HSPA12B: variants seen among roughly 807,000 people sequenced by gnomAD.
HSPA12B encodes heat shock 70 kDa protein 12B.
Under a neutral mutation model 69.3 loss-of-function variants are expected in HSPA12B, and 54 were observed. That is an observed-to-expected ratio of 0.78 (90% confidence interval 0.63 to 0.98). HSPA12B has a LOEUF of 0.98. Among genes scored for constraint, HSPA12B ranks in the 50% least tolerant of loss-of-function variants. The pLI is 0.00. For missense variants in HSPA12B, 929 were observed against 999.8 expected, an observed-to-expected ratio of 0.93 and a Z score of 0.96; for synonymous variants, 441 against 436.5, an observed-to-expected ratio of 1.01 and a Z score of -0.13.
intron 7 of HSPA12B, among the ~76,000 whole-genome samples, chr20:3,746,356 G>A (rs113678470): frequency 3.5e-5 from 5 of 143,322 alleles, no homozygotes; most frequent in Non-Finnish European, 6.0e-5. Flanking sequence ...AGGCTGGAGC[G>A]CAGTGGCGTG....
In HSPA12B at chr20:3,733,564, G is replaced by T. The variant is rs940042302; in HGVS notation, c.-18+770G>T. On this transcript the variant is annotated intron_variant, in intron 1 of 12. Coordinates refer to ENST00000254963, the MANE Select transcript of HSPA12B (RefSeq NM_052970.5). ...AAAGCAAAGATGAGGACAGGGAGGG[G>T]CCATGGGAGGCCATTTCTGTCACTC... Among the ~76,000 whole-genome samples, 85 of 152,072 alleles carry T rather than the reference G, an allele frequency of 5.6e-4. 1 individual carries two copies. Among genetic ancestry groups the T allele is most frequent in the African/African-American group, 2.0e-3 (83 of 41,378 alleles).
At chr20:3,748,436 G>A (rs751457589) in intron 8 of HSPA12B, 45 bp downstream of exon 8, 2 of 1,445,990 alleles carry the variant, frequency 1.4e-6, no homozygotes, top group Admixed American at 4.8e-5. Flanking sequence ...AGGGTCAGAG[G>A]GTCACTGAAG....
intron 1 of HSPA12B, among the ~76,000 whole-genome samples, chr20:3,733,379 G>A (rs776427390): frequency 1.5e-4 from 23 of 152,108 alleles, no homozygotes; most frequent in Non-Finnish European, 2.9e-4. Context: ...GGAAGGGAGT[G>A]ATCACGAAAC....
chr20:3,742,214 A>C, intron 3 of HSPA12B, 70 bp from the exon 4 acceptor site: 1 of 1,576,112 alleles, frequency 6.3e-7, no homozygotes. Flanking sequence ...ATGCAGAGGA[A>C]GCATTGGGGC....
At chr20:3,733,478 G>T (rs1338533847) in intron 1 of HSPA12B, among the ~76,000 whole-genome samples, 1 of 152,164 alleles carries the variant, frequency 6.6e-6, no homozygotes. Flanking sequence ...GAGGGGCTCT[G>T]TTGTTTGTGA....
intron 2 of HSPA12B, 39 bp downstream of exon 2, chr20:3,738,756 C>T: frequency 6.2e-7 from 1 of 1,612,102 alleles, no homozygotes; most frequent in Non-Finnish European, 8.5e-7. Context: ...CCATCACCCA[C>T]TCACCCGAGC....
rs933089922 is a variant in HSPA12B at position 3,748,374 on chromosome 20, A to G, written c.833A>G (p.Asp278Gly). 16 of 1,596,002 alleles carry G rather than the reference A, an allele frequency of 1.0e-5. No individual in the cohort carries two copies. The highest frequency in any genetic ancestry group is 1.3e-5 in the Non-Finnish European group (15 of 1,171,974). Reference sequence around the variant, plus strand: ...CGCCTGGGTGAGCGCCGCTCCATCGACTCCAGCTTCCGTCAGGGTGAGCTG... The same window carrying G: ...CGCCTGGGTGAGCGCCGCTCCATCGGCTCCAGCTTCCGTCAGGGTGAGCTG... ...GGRLGERRSIDSSFRQAREQL... is the reference protein window; with the variant it reads ...GGRLGERRSIGSSFRQAREQL... Residue 278 changes from aspartate (D) to glycine (G), a missense_variant, in exon 8 of 13, where the codon GAC (aspartate) becomes GGC (glycine). Transcript: ENST00000254963.
intron 11 of HSPA12B, 73 bp from the exon 12 acceptor site, chr20:3,750,731 G>T: frequency 6.2e-7 from 1 of 1,609,146 alleles, no homozygotes; most frequent in African/African-American, 1.3e-5. Flanking sequence ...AGAGAATAAG[G>T]ACCACGGACC....
intron 4 of HSPA12B, among the ~76,000 whole-genome samples, chr20:3,743,184 C>CTT (rs61614564): frequency 2.2e-5 from 3 of 139,338 alleles, no homozygotes; most frequent in Non-Finnish European, 3.1e-5. Flanking sequence ...CCAACCTGGC[C>CTT]TTTTTTTTTT....
chr20:3,751,627 C>G lies in HSPA12B; in HGVS notation c.1522C>G (p.Leu508Val). Residue 508 changes from leucine (L) to valine (V), a missense_variant, in exon 13 of 13, where the codon CTG becomes GTG. This residue lies in a region of HSPA12B where 448 missense variants were observed against 448.1 expected (regional missense o/e 1.00). Transcript: ENST00000254963. ...GCAGGCGGCGCTGGGCGCCCGCGGTCTGCGTGTCGTGGTCCCGCACGACGT... is the reference window on the plus strand; with the variant it reads ...GCAGGCGGCGCTGGGCGCCCGCGGTGTGCGTGTCGTGGTCCCGCACGACGT... ...AVQAALGARG[L>V]RVVVPHDVGL... is the part of the protein sequence containing the mutation. 3.3e-6 allele frequency: 5 copies of G among 1,528,906 alleles called. No individual in the cohort carries two copies. Among genetic ancestry groups the G allele is most frequent in the Non-Finnish European group, 4.4e-6 (5 of 1,141,552 alleles). The allele number at this position is 1,528,906 out of a possible 1,614,324, so 94.7% of individuals were successfully genotyped here. A position where few individuals can be genotyped will look rare whatever the true frequency, so the allele number is the denominator to read the frequency against.
rs146416465 is a variant in HSPA12B, at chr20:3,749,276, G to T, written c.895G>T (p.Val299Leu). Residue 299 changes from valine (V) to leucine (L), a missense_variant, in exon 9 of 13, where the codon GTG (valine) becomes TTG (leucine). Transcript: ENST00000254963. This position sits in a 1 kb window ranked among gnomAD's most constrained non-coding sequence, Gnocchi z 5.5. Reference protein sequence around the residue: ...RRSRHSRTFLVESGVGELWAE... With the variant: ...RRSRHSRTFLLESGVGELWAE... ...GTCCCGCCACAGCCGCACGTTCCTGGTGGAGTCAGGCGTAGGAGAGCTGTG... is the reference window on the plus strand; with the variant it reads ...GTCCCGCCACAGCCGCACGTTCCTGTTGGAGTCAGGCGTAGGAGAGCTGTG... 6.2e-7 allele frequency: 1 copy of T among 1,613,862 alleles called. No homozygotes were observed. Among genetic ancestry groups the T allele is most frequent in the Non-Finnish European group, 8.5e-7 (1 of 1,179,928 alleles).
chr20:3,749,964 C>G lies in HSPA12B; in HGVS notation c.1043-5C>G. The G allele has an allele frequency of 6.4e-7, 1 of 1,560,570 alleles. No individual in the cohort carries two copies. The highest frequency in any genetic ancestry group is 1.2e-5 in the South Asian group (1 of 85,788). Reference sequence around the variant, plus strand: ...ACGCCCTCTTCGCCCCCTGCTCCACCCCAGGGGGCCCTTATGGCGCGGTGG... The same window carrying G: ...ACGCCCTCTTCGCCCCCTGCTCCACGCCAGGGGGCCCTTATGGCGCGGTGG... On this transcript the variant is annotated splice_region_variant and splice_polypyrimidine_tract_variant and intron_variant, in intron 10 of 12. Coordinates refer to ENST00000254963, the MANE Select transcript of HSPA12B (RefSeq NM_052970.5). The surrounding 1 kb of genome is among the most constrained non-coding windows in gnomAD (Gnocchi z 5.5).
rs369250253 is a variant in HSPA12B, at chr20:3,740,901, T to C, written c.130T>C (p.Ser44Pro). ...CTGCGGCATTGCCCCCCTCACACCCTCGCAGTCTCCAGTAAGCCCAGAGCA... is the reference window on the plus strand; with the variant it reads ...CTGCGGCATTGCCCCCCTCACACCCCCGCAGTCTCCAGTAAGCCCAGAGCA... ...ESCGIAPLTP[S>P]QSPKPEVRAP... Residue 44 changes from serine (S) to proline (P), a missense_variant, in exon 3 of 13, where the codon TCG becomes CCG. Coordinates refer to ENST00000254963, the MANE Select transcript of HSPA12B (RefSeq NM_052970.5). This position sits in a 1 kb window ranked among gnomAD's most constrained non-coding sequence, Gnocchi z 4.9. The C allele has an allele frequency of 6.2e-7, 1 of 1,612,534 alleles. No individual in the cohort carries two copies. Among genetic ancestry groups the C allele is most frequent in the Non-Finnish European group, 8.5e-7 (1 of 1,179,392 alleles).
In HSPA12B at chr20:3,745,109, C is replaced by T. The variant is rs1474370754; in HGVS notation, c.453+21C>T. The stretch of plus-strand genomic sequence containing the variant: ...CCACGGTGAGTCACAGGGCTCCAGA[C>T]AGGGAGGCGGGGCCAGCATGGAAAA... On this transcript the variant is annotated intron_variant, in intron 5 of 12. Coordinates refer to ENST00000254963, the MANE Select transcript of HSPA12B (RefSeq NM_052970.5). The surrounding 1 kb of genome is among the most constrained non-coding windows in gnomAD (Gnocchi z 5.6). The T allele has an allele frequency of 6.2e-7, 1 of 1,603,484 alleles. No individual in the cohort carries two copies. Among genetic ancestry groups the T allele is most frequent in the African/African-American group, 1.3e-5 (1 of 74,702 alleles).
intron 3 of HSPA12B, among the ~76,000 whole-genome samples, chr20:3,741,493 C>T (rs1446299240): frequency 1.3e-5 from 2 of 152,060 alleles, no homozygotes; most frequent in African/African-American, 2.4e-5. Flanking sequence ...ATTAGCTGGG[C>T]GTGGTGGTGC....
Position 3,749,238 on chromosome 20 carries a change from A to G in HSPA12B, c.857A>G (p.Glu286Gly), listed in dbSNP as rs2088363780. ...GCTGTCTCCTGACCCCCAGCTCGGG[A>G]GCAGCTGCGAAGGTCCCGCCACAGC... ...SIDSSFRQAREQLRRSRHSRT... is the reference protein window; with the variant it reads ...SIDSSFRQARGQLRRSRHSRT... Residue 286 changes from glutamate (E) to glycine (G), a missense_variant, in exon 9 of 13, where the codon GAG becomes GGG. Around this residue, in one of 3 missense-constraint regions of HSPA12B, gnomAD observed 477 missense variants for 535.2 expected, o/e 0.89. Coordinates refer to ENST00000254963, the MANE Select transcript of HSPA12B (RefSeq NM_052970.5). This position sits in a 1 kb window ranked among gnomAD's most constrained non-coding sequence, Gnocchi z 5.5. 1.9e-6 allele frequency: 3 copies of G among 1,612,240 alleles called. No individual in the cohort carries two copies. Among genetic ancestry groups the G allele is most frequent in the Non-Finnish European group, 2.5e-6 (3 of 1,179,126 alleles).
chr20:3,748,183 G>C, intron 7 of HSPA12B, 34 bp from the exon 8 acceptor site: 3 of 1,499,548 alleles, frequency 2.0e-6, no homozygotes, highest in Non-Finnish European at 2.7e-6. Context: ...ACAGCCCACA[G>C]TGCTGCCTGA....
Position 3,745,171 on chromosome 20 carries a change from A to C in HSPA12B, c.453+83A>C, listed in dbSNP as rs926680558. The stretch of plus-strand genomic sequence containing the variant: ...ATGGGGGTGGGTGGGACAAAACCAA[A>C]ACGTGTGAGGACCGGCCCGATGGAG... On this transcript the variant is annotated intron_variant, in intron 5 of 12. Transcript: ENST00000254963. The surrounding 1 kb of genome is among the most constrained non-coding windows in gnomAD (Gnocchi z 5.6). 1.6e-6 allele frequency: 2 copies of C among 1,258,150 alleles called. No individual in the cohort carries two copies. Among genetic ancestry groups the C allele is most frequent in the African/African-American group, 1.5e-5 (1 of 67,398 alleles). 77.9% of individuals were successfully genotyped at this position (1,258,150 alleles called of 1,614,324 possible).
chr20:3,746,497 T>A (rs961116811), intron 7 of HSPA12B, among the ~76,000 whole-genome samples: 26 of 151,656 alleles, frequency 1.7e-4, no homozygotes, highest in South Asian at 6.3e-4. Context: ...AGAGACGGGG[T>A]TTCATCGTGT....
Sources: gnomAD v4.1 joint callset for allele counts (sites outside exome capture counted in the v4.1 genomes callset) on GRCh38, gnomAD v4.1.1 for gene constraint, gnomAD v4.1.1 regional missense constraint, Gnocchi (gnomAD v3.1) non-coding constraint, MANE v1.5 for transcripts, NCBI Gene and HGNC (gene_info 2026-07-23, HGNC 2026-07-21) for gene names.